The following TYMP variants were observed in gnomAD, a reference collection of about 807,000 sequenced individuals.
TYMP encodes the protein thymidine phosphorylase.
In TYMP, 46 loss-of-function variants were observed where a neutral mutation model predicts 42.3. The ratio of observed to expected loss-of-function variants is 1.09; its 90% CI spans 0.86 to 1.39. The LOEUF (loss-of-function observed/expected upper bound fraction) is 1.39, where lower values mean the gene tolerates loss of function less well. TYMP is among the 40% of genes most tolerant of loss of function. TYMP has a pLI of 0.00. For missense variants in TYMP, 837 were observed against 677.6 expected (o/e 1.24, Z -2.61); for synonymous variants, 363 against 308.0 (o/e 1.18, Z -1.87).
At chr22:50,529,857 T>A in intron 1 of TYMP, 47 bp downstream of exon 1, 1 of 752,758 alleles carries the variant, frequency 1.3e-6, no homozygotes, top group Non-Finnish European at 2.1e-6. Flanking sequence ...CCCTCGTCCG[T>A]GTCTGCCTCC....
chr22:50,528,498 G>T lies in TYMP; in HGVS notation c.516+14C>A, dbSNP rs780757016. On this transcript the variant is annotated intron_variant, in intron 4 of 9. Transcript: ENST00000252029. ...ATCAACCTGGATTAATGACTGATCC[G>T]TGGCGCCCCGTACCTGCTCTGGGCT... 1 of 1,609,748 alleles carries T rather than the reference G, an allele frequency of 6.2e-7. No individual in the cohort carries two copies. The highest frequency in any genetic ancestry group is 8.5e-7 in the Non-Finnish European group (1 of 1,176,602).
rs1455843815 is a variant in TYMP, at chr22:50,526,311, G to A, written c.1094C>T (p.Pro365Leu). Residue 365 changes from proline (P) to leucine (L), a missense_variant, in exon 8 of 10, where the codon CCC becomes CTC. Coordinates refer to ENST00000252029, the MANE Select transcript of TYMP (RefSeq NM_001953.5). ...GLARALCSGS[P>L]AERRQLLPRA... ...AGGCAGCAGCTGCCGGCGTTCTGCG[G>A]GACTTCCCGAGCACAGGGCTCGGGC... 1.9e-6 allele frequency: 3 copies of A among 1,560,324 alleles called. No individual in the cohort carries two copies. Among genetic ancestry groups the A allele is most frequent in the Admixed American group, 1.8e-5 (1 of 56,202 alleles).
chr22:50,527,486 A>C (rs780680897), intron 5 of TYMP, 102 bp downstream of exon 5: 1 of 1,578,072 alleles, frequency 6.3e-7, no homozygotes, highest in Non-Finnish European at 8.7e-7. Context: ...GTAGGGGGGC[A>C]CACGGTCAGG....
At chr22:50,526,835 G>C in intron 6 of TYMP, 97 bp from the exon 7 acceptor site, 1 of 1,307,260 alleles carries the variant, frequency 7.6e-7, no homozygotes, top group South Asian at 1.4e-5. Context: ...TGGGTTGCCA[G>C]CCCCCCAGCA....
chr22:50,529,867 C>T (rs1471434624), intron 1 of TYMP, 37 bp downstream of exon 1: 2 of 701,892 alleles, frequency 2.8e-6, no homozygotes, highest in African/African-American at 1.8e-5. Context: ...TGTCTGCCTC[C>T]CGCTTCCCCG....
chr22:50,527,521 C>T (rs2148680226), intron 5 of TYMP, 67 bp downstream of exon 5: 2 of 1,612,400 alleles, frequency 1.2e-6, no homozygotes, highest in Non-Finnish European at 8.5e-7. Context: ...TAACGAGAGG[C>T]CCTTGACTTG....
At chr22:50,528,681 C>G (rs1489902553) in intron 3 of TYMP, 71 bp from the exon 4 acceptor site, 2 of 1,253,202 alleles carry the variant, frequency 1.6e-6, no homozygotes, top group East Asian at 2.3e-5. Flanking sequence ...TTCACCTTCC[C>G]TGGCTAGGAG....
rs544124225 is a variant in TYMP, at chr22:50,528,496, C to T, written c.516+16G>A. Reference sequence around the variant, plus strand: ...TCATCAACCTGGATTAATGACTGATCCGTGGCGCCCCGTACCTGCTCTGGG... The same window carrying T: ...TCATCAACCTGGATTAATGACTGATTCGTGGCGCCCCGTACCTGCTCTGGG... On this transcript the variant is annotated intron_variant, in intron 4 of 9. Transcript: ENST00000252029. 5.0e-6 allele frequency: 8 copies of T among 1,609,564 alleles called. No individual in the cohort carries two copies. Among genetic ancestry groups the T allele is most frequent in the South Asian group, 2.2e-5 (2 of 90,628 alleles).
rs1310577449 is a variant in TYMP, at chr22:50,526,573, C to T, written c.928+3G>A. 1.3e-5 allele frequency: 21 copies of T among 1,570,334 alleles called. No individual in the cohort carries two copies. Among genetic ancestry groups the T allele is most frequent in the East Asian group, 2.4e-5 (1 of 42,398 alleles). ...CCGCTCCCCTACACCCCGTCCCCCT[C>T]ACCGAGCGTGGTGACCAGGTCCCTT... On this transcript the variant is annotated splice_donor_region_variant and intron_variant, in intron 7 of 9. Coordinates refer to ENST00000252029, the MANE Select transcript of TYMP (RefSeq NM_001953.5).
Position 50,526,596 on chromosome 22 carries a change from C to A in TYMP, c.908G>T (p.Arg303Met). 6.3e-7 allele frequency: 1 copy of A among 1,580,250 alleles called. No homozygotes were observed. ...CTCACCGAGCGTGGTGACCAGGTCCCTTAAGTCTGGCGGGCCTGCGCCGTC... is the reference window on the plus strand; with the variant it reads ...CTCACCGAGCGTGGTGACCAGGTCCATTAAGTCTGGCGGGCCTGCGCCGTC... ...CMDGAGPPDL[R>M]DLVTTLGGAL... Residue 303 changes from arginine (R) to methionine (M), a missense_variant, in exon 7 of 10, where the codon AGG becomes ATG. Coordinates refer to ENST00000252029, the MANE Select transcript of TYMP (RefSeq NM_001953.5).
At position 50,529,505 on chromosome 22, in the gene TYMP, C is replaced by T. The variant is rs2069513538; in HGVS notation, c.205G>A (p.Ala69Thr). 8 of 1,612,740 alleles carry T rather than the reference C, an allele frequency of 5.0e-6. No homozygotes were observed. The highest frequency in any genetic ancestry group is 5.9e-6 in the Non-Finnish European group (7 of 1,179,900). Residue 69 changes from alanine (A) to threonine (T), a missense_variant, in exon 2 of 10, where the codon GCA becomes ACA. Coordinates refer to ENST00000252029, the MANE Select transcript of TYMP (RefSeq NM_001953.5). ...AACCCTCCCCACGCACCGATCTGTG[C>T]GCCCTGCGCGCTCCCATTCACCACA... is the stretch of plus-strand genomic sequence containing the variant. ...AAVVNGSAQG[A>T]QIGAMLMAIR... is the part of the protein sequence containing the mutation.
At position 50,529,172 on chromosome 22, in the gene TYMP, C is replaced by G; in HGVS notation, c.381G>C (p.Leu127=). 1.2e-6 allele frequency: 2 copies of G among 1,613,304 alleles called. No individual in the cohort carries two copies. Among genetic ancestry groups the G allele is most frequent in the East Asian group, 4.5e-5 (2 of 44,882 alleles). ...STGGVGDKVS[L]VLAPALAACG... ...ATGCCGCCAGGGCAGGTGCGAGGAC[C>G]AGGCTGACCTTGTCACCCACACCCC... Residue 127 remains leucine, a synonymous_variant, in exon 3 of 10, where the codon CTG becomes CTC. Coordinates refer to ENST00000252029, the MANE Select transcript of TYMP (RefSeq NM_001953.5).
chr22:50,527,153 C>T lies in TYMP; in HGVS notation c.765+12G>A. The T allele has an allele frequency of 1.2e-6, 2 of 1,607,836 alleles. No individual in the cohort carries two copies. The highest frequency in any genetic ancestry group is 1.7e-6 in the Non-Finnish European group (2 of 1,176,226). On this transcript the variant is annotated intron_variant, in intron 6 of 9. Coordinates refer to ENST00000252029, the MANE Select transcript of TYMP (RefSeq NM_001953.5). ...TCAAGACGCTTGCCCAGGGAAAGGC[C>T]ACACCGCTCACCAGCGTCTTTGCCA...
At chr22:50,529,774 A>G in intron 1 of TYMP, 55 bp from the exon 2 acceptor site, 1 of 1,483,322 alleles carries the variant, frequency 6.7e-7, no homozygotes, top group South Asian at 1.2e-5. Flanking sequence ...TCGGTGTCTG[A>G]GCCACGTGCT....
rs1363278376 is a variant in TYMP at position 50,527,633 on chromosome 22, C to T, written c.601G>A (p.Ala201Thr). The T allele has an allele frequency of 6.2e-7, 1 of 1,613,956 alleles. No homozygotes were observed. The highest frequency in any genetic ancestry group is 1.1e-5 in the South Asian group (1 of 91,088). The change falls in exon 5 of 10, where the codon GCC becomes ACC. Residue 201 changes from alanine to threonine, a missense_variant. By Grantham distance (58) the Ala-to-Thr change is moderately conservative. Transcript: ENST00000252029. ...TCCACGGTGGCTGTCACATCTCTGGCTGCATATAGGATTCCGTCCGCAGGA... is the reference window on the plus strand; with the variant it reads ...TCCACGGTGGCTGTCACATCTCTGGTTGCATATAGGATTCCGTCCGCAGGA... ...LVPADGILYA[A>T]RDVTATVDSL...
rs774894715 is a variant in TYMP, at chr22:50,525,832, C to G, written c.1387G>C (p.Asp463His). 1 of 1,608,988 alleles carries G rather than the reference C, an allele frequency of 6.2e-7. No individual in the cohort carries two copies. The highest frequency in any genetic ancestry group is 2.2e-5 in the East Asian group (1 of 44,728). ...RALQEALVLS[D>H]RAPFAAPSPF... Reference sequence around the variant, plus strand: ...GAGGGGGCGGCGAATGGCGCGCGGTCGGAGAGTACGAGCGCCTCCTGCAGG... The same window carrying G: ...GAGGGGGCGGCGAATGGCGCGCGGTGGGAGAGTACGAGCGCCTCCTGCAGG... Residue 463 changes from aspartate (D) to histidine (H), a missense_variant, in exon 10 of 10, where the codon GAC becomes CAC. Asp to His is a moderately conservative substitution (Grantham distance 81). Transcript: ENST00000252029.
chr22:50,527,107 G>T, intron 6 of TYMP, 58 bp downstream of exon 6: 2 of 1,390,304 alleles, frequency 1.4e-6, no homozygotes, highest in South Asian at 1.2e-5. Flanking sequence ...CGGGAGGGGT[G>T]AAGGGTAGGC....
chr22:50,527,115 G>T, intron 6 of TYMP, 50 bp downstream of exon 6: 1 of 1,461,180 alleles, frequency 6.8e-7, no homozygotes, highest in Non-Finnish European at 9.6e-7. Context: ...GTGAAGGGTA[G>T]GCTGGGCCCG....
intron 1 of TYMP, 81 bp downstream of exon 1, chr22:50,529,823 C>CCCCTCGGTCCCGTGTCTGT: frequency 1.0e-6 from 1 of 972,014 alleles, no homozygotes; most frequent in Admixed American, 2.5e-5. Context: ...CCGGTGTCCG[C>CCCCTCGGTCCCGTGTCTGT]CCCTCGGTCC....
Sources: allele counts gnomAD v4.1 joint callset, GRCh38; gene constraint gnomAD v4.1.1; transcripts MANE v1.5; gene names NCBI Gene and HGNC (gene_info 2026-07-23, HGNC 2026-07-21).